Variants in EYS observed in about 807,000 individuals in gnomAD.
EYS encodes protein eyes shut homolog.
In EYS, 250 loss-of-function variants were observed where a neutral mutation model predicts 282.1. The observed-to-expected ratio is 0.89, with a 90% CI of 0.80 to 0.98. The LOEUF (loss-of-function observed/expected upper bound fraction) is 0.98. EYS is among the 50% of genes least tolerant of loss of function. The probability of loss-of-function intolerance (pLI) is 0.00; values close to 1 mark genes in which losing one functional copy is unlikely to be tolerated. For missense variants in EYS, 4,016 were observed against 3,709.0 expected (o/e 1.08, Z -2.15); for synonymous variants, 1,355 against 1,282.9 (o/e 1.06, Z -1.20).
At chr6:64,908,744 G>T (rs1405119998) in intron 16 of EYS, among the ~76,000 whole-genome samples, 1 of 152,034 alleles carries the variant, frequency 6.6e-6, no homozygotes, top group Non-Finnish European at 1.5e-5. Flanking sequence ...GGTTTCTATA[G>T]ACACAGGATG....
chr6:64,910,820 T>G (rs992278334), intron 16 of EYS, among the ~76,000 whole-genome samples: 10 of 152,060 alleles, frequency 6.6e-5, no homozygotes, highest in Non-Finnish European at 7.4e-5. Context: ...TTTTATAAAT[T>G]TATTAAATGC....
At chr6:65,511,577 T>G (rs1766869522) in intron 2 of EYS, among the ~76,000 whole-genome samples, 1 of 152,100 alleles carries the variant, frequency 6.6e-6, no homozygotes, top group Admixed American at 6.6e-5. Flanking sequence ...TTAGGTAAAT[T>G]TTTTTAATTG....
At chr6:64,582,562 C>T (rs1316403533) in intron 26 of EYS, among the ~76,000 whole-genome samples, 1 of 146,764 alleles carries the variant, frequency 6.8e-6, no homozygotes, top group African/African-American at 2.5e-5. Context: ...GGCCTGCAGG[C>T]TATAGTTTGC....
chr6:65,686,307 A>G (rs1208473298), intron 1 of EYS, among the ~76,000 whole-genome samples: 1 of 152,040 alleles, frequency 6.6e-6, no homozygotes, highest in Admixed American at 6.6e-5. Flanking sequence ...CTACCTCTGC[A>G]TCTTGAAAAA....
At chr6:65,545,136 AAAAAG>A (rs1421088352) in intron 2 of EYS, among the ~76,000 whole-genome samples, 4 of 152,078 alleles carry the variant, frequency 2.6e-5, no homozygotes, top group Admixed American at 2.6e-4. Context: ...AGAAGATGTT[AAAAAG>A]AAAAAAGTTG....
intron 33 of EYS, among the ~76,000 whole-genome samples, chr6:64,019,758 T>G (rs1769087475): frequency 6.6e-6 from 1 of 151,026 alleles, no homozygotes; most frequent in Admixed American, 6.6e-5. Flanking sequence ...GAAGCAAAGG[T>G]TTGAATACTA....
chr6:64,145,641 C>T (rs957655338), intron 31 of EYS, among the ~76,000 whole-genome samples: 1 of 152,082 alleles, frequency 6.6e-6, no homozygotes, highest in African/African-American at 2.4e-5. Flanking sequence ...AAAACCTTAT[C>T]TTTTTTTCTT....
intron 10 of EYS, among the ~76,000 whole-genome samples, chr6:65,339,943 A>G (rs1436446873): frequency 6.6e-6 from 1 of 151,206 alleles, no homozygotes; most frequent in Non-Finnish European, 1.5e-5. Context: ...TCCTATAAGA[A>G]AAAAAGAGTG....
chr6:65,299,045 A>C (rs1355763548), intron 11 of EYS, among the ~76,000 whole-genome samples: 3 of 152,078 alleles, frequency 2.0e-5, no homozygotes, highest in Admixed American at 1.3e-4. Flanking sequence ...CCCTAATCAA[A>C]AGGAAATCAA....
intron 35 of EYS, among the ~76,000 whole-genome samples, chr6:63,953,497 A>G (rs1765684950): frequency 6.6e-6 from 1 of 152,088 alleles, no homozygotes; most frequent in African/African-American, 2.4e-5. Context: ...CATAAAAACA[A>G]ATGTGCTCTC....
chr6:64,180,457 A>C (rs1207409674), intron 31 of EYS, among the ~76,000 whole-genome samples: 1 of 152,050 alleles, frequency 6.6e-6, no homozygotes, highest in Non-Finnish European at 1.5e-5. Context: ...AGGCTTGTGG[A>C]TGTGCAGGTT....
Position 64,748,956 on chromosome 6 carries a change from A to G in EYS, c.3443+64422T>C, listed in dbSNP as rs145079321. On this transcript the variant is annotated intron_variant, in intron 22 of 42. Transcript: ENST00000503581. ...CCCAGCTAATTTTTGTATTTTTAGT[A>G]GAAACGGGGTTTCACCATGTTGGCC... Among the ~76,000 whole-genome samples the G allele has an allele frequency of 5.3e-3, 814 of 152,208 alleles. 11 individuals are homozygous for G. Among genetic ancestry groups the G allele is most frequent in the African/African-American group, 0.018 (766 of 41,530 alleles).
At chr6:64,926,505 G>T (rs1262449852) in intron 15 of EYS, among the ~76,000 whole-genome samples, 1 of 152,174 alleles carries the variant, frequency 6.6e-6, no homozygotes, top group Non-Finnish European at 1.5e-5. Context: ...AAGGATCTCC[G>T]TTATAGCCTG....
intron 40 of EYS, 165 bp downstream of exon 40, chr6:63,777,841 A>T (rs1460807696): frequency 7.9e-6 from 5 of 630,768 alleles, no homozygotes; most frequent in Admixed American, 5.4e-5. Context: ...TCCTATTTTT[A>T]GTTGCCTTCA....
chr6:65,245,230 C>T (rs1767150399), intron 12 of EYS, among the ~76,000 whole-genome samples: 1 of 151,986 alleles, frequency 6.6e-6, no homozygotes, highest in Non-Finnish European at 1.5e-5. Flanking sequence ...ATAAAGAAAA[C>T]GTAACTAGCA....
At chr6:64,942,722 A>G (rs931898978) in intron 15 of EYS, among the ~76,000 whole-genome samples, 1 of 151,860 alleles carries the variant, frequency 6.6e-6, no homozygotes, top group African/African-American at 2.4e-5. Context: ...AGTAATTTTA[A>G]AAAAACAACC....
intron 13 of EYS, among the ~76,000 whole-genome samples, chr6:65,040,863 A>T (rs1480666692): frequency 6.6e-6 from 1 of 151,738 alleles, no homozygotes; most frequent in Non-Finnish European, 1.5e-5. Flanking sequence ...ATTTTTAGAT[A>T]TTATGTAACA....
intron 35 of EYS, among the ~76,000 whole-genome samples, chr6:63,880,455 CTCTGTCTATCTG>C (rs1282869123): frequency 2.0e-5 from 3 of 148,740 alleles, no homozygotes; most frequent in African/African-American, 7.5e-5. Flanking sequence ...CCCATTATAT[CTCTGTCTATCTG>C]TCTGTCTGTC....
chr6:64,247,854 G>C (rs1165841585), intron 30 of EYS, among the ~76,000 whole-genome samples: 1 of 152,184 alleles, frequency 6.6e-6, no homozygotes, highest in Non-Finnish European at 1.5e-5. Context: ...GTGGAAATGA[G>C]TTTGAACTCT....
Sources: allele counts gnomAD v4.1 joint callset (sites outside exome capture counted in the v4.1 genomes callset), GRCh38; gene constraint gnomAD v4.1.1; transcripts MANE v1.5; gene names NCBI Gene and HGNC (gene_info 2026-07-23, HGNC 2026-07-21).